SAXO4: variants seen among roughly 807,000 people sequenced by gnomAD.
SAXO4 encodes stabilizer of axonemal microtubules 4.
the SAXO4 span, chr11:61,487,075 C>T: frequency 6.2e-7 from 1 of 1,612,610 alleles, no homozygotes; most frequent in African/African-American, 1.3e-5. Context: ...AGACTTGCTA[C>T]ACCTAGCCTC....
chr11:61,488,670 C>T, the SAXO4 span, among the ~76,000 whole-genome samples: 1 of 152,300 alleles, frequency 6.6e-6, no homozygotes, highest in East Asian at 1.9e-4. Flanking sequence ...TTCAAGGTGT[C>T]CCTGCCACCT....
chr11:61,483,516 A>G, the SAXO4 span, among the ~76,000 whole-genome samples: 1 of 151,902 alleles, frequency 6.6e-6, no homozygotes, highest in Non-Finnish European at 1.5e-5. Flanking sequence ...TATCATCAGC[A>G]CCACCACCAA....
the SAXO4 span, chr11:61,481,953 A>G: frequency 7.0e-7 from 1 of 1,419,198 alleles, no homozygotes; most frequent in Non-Finnish European, 9.7e-7. Context: ...CTCTGCTAGG[A>G]CATGGGCAGG....
the SAXO4 span, chr11:61,481,232 C>A: frequency 6.6e-6 from 1 of 152,406 alleles, no homozygotes; most frequent in Non-Finnish European, 1.5e-5. Context: ...GGTGGGGCCG[C>A]TGTGGTTGGG....
At chr11:61,482,721 C>T in the SAXO4 span, 45 of 1,613,896 alleles carry the variant, frequency 2.8e-5, no homozygotes, top group Middle Eastern at 3.3e-4. Context: ...AGGTGCCTGA[C>T]GGCAAGCATC....
the SAXO4 span, chr11:61,485,362 T>A: frequency 2.5e-6 from 4 of 1,613,718 alleles, no homozygotes; most frequent in Non-Finnish European, 8.5e-7. Context: ...GACGTCGGAG[T>A]ACAATTCCAA....
chr11:61,484,355 C>A, the SAXO4 span, among the ~76,000 whole-genome samples: 1 of 152,188 alleles, frequency 6.6e-6, no homozygotes, highest in African/African-American at 2.4e-5. Context: ...GGGAGGCCAG[C>A]TCCTCCAGTT....
chr11:61,482,204 T>C, the SAXO4 span: 3 of 1,001,342 alleles, frequency 3.0e-6, no homozygotes, highest in South Asian at 4.3e-5. Flanking sequence ...CTCTGAGCCC[T>C]CCCCTGTCAC....
At chr11:61,486,674 G>A in the SAXO4 span, 1 of 1,465,706 alleles carries the variant, frequency 6.8e-7, no homozygotes, top group Non-Finnish European at 9.5e-7. Flanking sequence ...GGAAGAGGTG[G>A]CATTTGGGTC....
At chr11:61,484,733 A>G in the SAXO4 span, 12 of 1,613,676 alleles carry the variant, frequency 7.4e-6, no homozygotes, top group African/African-American at 1.3e-5. Flanking sequence ...GCCTCAGGCC[A>G]TCACGGGGCT....
the SAXO4 span, among the ~76,000 whole-genome samples, chr11:61,490,113 C>T: frequency 6.6e-6 from 1 of 152,134 alleles, no homozygotes; most frequent in East Asian, 1.9e-4. Flanking sequence ...CAGGCTCCTC[C>T]CCTCCTCTCC....
At chr11:61,481,705 T>TG in the SAXO4 span, 13,269 of 582,098 alleles carry the variant, frequency 0.023, 1,309 homozygotes, top group African/African-American at 0.22. Context: ...TTGTGGGTGG[T>TG]GGGGGGCAGA....
At chr11:61,483,498 A>G in the SAXO4 span, among the ~76,000 whole-genome samples, 1 of 151,206 alleles carries the variant, frequency 6.6e-6, no homozygotes, top group Non-Finnish European at 1.5e-5. Flanking sequence ...CATTATTACC[A>G]CCCTTCTTAT....
chr11:61,482,850 G>C, the SAXO4 span: 3 of 1,550,102 alleles, frequency 1.9e-6, no homozygotes, highest in South Asian at 1.2e-5. Flanking sequence ...GCCTCAGGGT[G>C]GGGTGGGGCT....
At chr11:61,489,900 C>T in the SAXO4 span, 1 of 1,613,772 alleles carries the variant, frequency 6.2e-7, no homozygotes, top group South Asian at 1.1e-5. Context: ...GGAGGCCACC[C>T]CCAACCCCAT....
At chr11:61,481,925 G>A in the SAXO4 span, 2 of 1,564,588 alleles carry the variant, frequency 1.3e-6, no homozygotes, top group Middle Eastern at 1.7e-4. Context: ...TACGGTGAGG[G>A]TGCCTTTGCG....
At chr11:61,489,822 TGGA>T in the SAXO4 span, 1 of 1,613,926 alleles carries the variant, frequency 6.2e-7, no homozygotes, top group South Asian at 1.1e-5. Context: ...CCAGGAAGGC[TGGA>T]CTCGAGGTGG....
At chr11:61,490,113 C>G in the SAXO4 span, among the ~76,000 whole-genome samples, 2 of 152,134 alleles carry the variant, frequency 1.3e-5, no homozygotes, top group Non-Finnish European at 2.9e-5. Context: ...CAGGCTCCTC[C>G]CCTCCTCTCC....
At chr11:61,489,660 C>T in the SAXO4 span, 2 of 1,017,268 alleles carry the variant, frequency 2.0e-6, no homozygotes, top group Non-Finnish European at 3.0e-6. Context: ...GAGAGCTAGA[C>T]GAGGACAGCA....
Sources: gnomAD v4.1 joint callset for allele counts (sites outside exome capture counted in the v4.1 genomes callset) on GRCh38, gnomAD v4.1.1 for gene constraint, MANE v1.5 for transcripts, NCBI Gene and HGNC (gene_info 2026-07-23, HGNC 2026-07-21) for gene names.